TNFRSF8: variants seen among roughly 807,000 people sequenced by gnomAD.
TNFRSF8 encodes the protein TNF receptor superfamily member 8.
TNFRSF8 carries 26 observed loss-of-function variants against 70.8 expected under a neutral mutation model. The ratio of observed to expected loss-of-function variants is 0.37; its 90% CI spans 0.27 to 0.51. TNFRSF8 has a LOEUF of 0.51. Among genes scored for constraint, TNFRSF8 ranks in the 20% least tolerant of loss-of-function variants. The pLI is 0.94. For synonymous variants in TNFRSF8, 356 were observed against 339.2 expected (o/e 1.05, Z -0.54); for missense variants, 720 against 807.9 (o/e 0.89, Z 1.32).
chr1:12,074,236 C>T (rs1230140033), intron 1 of TNFRSF8, among the ~76,000 whole-genome samples: 1 of 151,998 alleles, frequency 6.6e-6, no homozygotes, highest in South Asian at 2.1e-4. Context: ...CCCTTTAATG[C>T]TTCCCTAGTG....
intron 12 of TNFRSF8, among the ~76,000 whole-genome samples, chr1:12,128,034 C>A (rs1641973240): frequency 6.6e-6 from 1 of 152,190 alleles, no homozygotes; most frequent in Admixed American, 6.5e-5. Context: ...GGCAAGCTCA[C>A]AGAGCACCGG....
chr1:12,109,739 A>T lies in TNFRSF8; in HGVS notation c.512+83A>T. 8.2e-7 allele frequency: 1 copy of T among 1,217,294 alleles called. No individual in the cohort carries two copies. Among genetic ancestry groups the T allele is most frequent in the Non-Finnish European group, 1.2e-6 (1 of 835,802 alleles). The allele number at this position is 1,217,294 out of a possible 1,614,324, so 75.4% of individuals were successfully genotyped here. A position where few individuals can be genotyped will look rare whatever the true frequency, so the allele number is the denominator to read the frequency against. On this transcript the variant is annotated intron_variant, in intron 5 of 14. Transcript: ENST00000263932. This position sits in a 1 kb window ranked among gnomAD's most constrained non-coding sequence, Gnocchi z 4.4. The stretch of plus-strand genomic sequence containing the variant: ...CCCCACCCCACAGGACGCCCATGGT[A>T]CAACTGGGCTGGGGGTGTAAGCGGG...
chr1:12,082,701 C>G (rs1222620377), intron 1 of TNFRSF8, among the ~76,000 whole-genome samples: 1 of 152,028 alleles, frequency 6.6e-6, no homozygotes, highest in Non-Finnish European at 1.5e-5. Flanking sequence ...TAAACAATCT[C>G]ATCTAGGAGT....
In TNFRSF8 at chr1:12,088,425, G is replaced by A. The variant is rs1293342110; in HGVS notation, c.151+3874G>A. ...AGGCCACATGCGTATCAGTGGCTCA[G>A]CCGGGCCGTGAACATGACCACCGAG... On this transcript the variant is annotated intron_variant, in intron 2 of 14. Coordinates refer to ENST00000263932, the MANE Select transcript of TNFRSF8 (RefSeq NM_001243.5). This position sits in a 1 kb window ranked among gnomAD's most constrained non-coding sequence, Gnocchi z 4.0. Among the ~76,000 whole-genome samples, 3 of 152,032 alleles carry A rather than the reference G, an allele frequency of 2.0e-5. No individual in the cohort carries two copies. The highest frequency in any genetic ancestry group is 1.5e-5 in the Non-Finnish European group (1 of 67,990).
At chr1:12,098,216 CA>C (rs1295750506) in intron 3 of TNFRSF8, among the ~76,000 whole-genome samples, 5 of 152,030 alleles carry the variant, frequency 3.3e-5, no homozygotes, top group African/African-American at 9.7e-5. Context: ...GAAGAAGTAG[CA>C]AAGGTTAAAA....
chr1:12,142,429 G>A lies in TNFRSF8; in HGVS notation c.1686G>A (p.Glu562=). ...CGGACCATACCCCCCACTACCCCGA[G>A]CAGGAGACAGAACCGCCTCTGGGCA... The part of the protein sequence containing the change: ...LEADHTPHYP[E]QETEPPLGSC... Residue 562 remains glutamate, a synonymous_variant, in exon 15 of 15, where the codon GAG becomes GAA. Coordinates refer to ENST00000263932, the MANE Select transcript of TNFRSF8 (RefSeq NM_001243.5). The surrounding 1 kb of genome is among the most constrained non-coding windows in gnomAD (Gnocchi z 5.0). 6.2e-7 allele frequency: 1 copy of A among 1,612,498 alleles called. No individual in the cohort carries two copies. Among genetic ancestry groups the A allele is most frequent in the Non-Finnish European group, 8.5e-7 (1 of 1,179,236 alleles).
intron 8 of TNFRSF8, among the ~76,000 whole-genome samples, chr1:12,118,305 T>G (rs1187166446): frequency 1.3e-5 from 2 of 152,070 alleles, no homozygotes; most frequent in African/African-American, 4.8e-5. Flanking sequence ...GAGACGGGGT[T>G]TCACCACATT....
At position 12,101,844 on chromosome 1, in the gene TNFRSF8, G is replaced by T. The variant is rs575647085; in HGVS notation, c.269-2535G>T. Among the ~76,000 whole-genome samples, 7 of 152,138 alleles carry T rather than the reference G, an allele frequency of 4.6e-5. No individual in the cohort carries two copies. In the South Asian group the frequency reaches 1.5e-3, roughly 32 times the overall value. On this transcript the variant is annotated intron_variant, in intron 3 of 14. Transcript: ENST00000263932. ...GCGCCACCATGCCTGGCTAATTTTT[G>T]TATTTTTTTTAGGAGAGGCGGGATT...
intron 13 of TNFRSF8, 40 bp downstream of exon 13, chr1:12,135,653 C>G (rs764525917): frequency 1.9e-6 from 3 of 1,612,024 alleles, no homozygotes; most frequent in Middle Eastern, 1.6e-4. Flanking sequence ...GCTTCGTGCC[C>G]CTAAATCTGA....
At chr1:12,066,866 T>C (rs1640750861) in intron 1 of TNFRSF8, among the ~76,000 whole-genome samples, 2 of 151,684 alleles carry the variant, frequency 1.3e-5, no homozygotes, top group Admixed American at 6.6e-5. Context: ...TTGGTCAGGC[T>C]GGTCTCGAGC....
intron 1 of TNFRSF8, among the ~76,000 whole-genome samples, chr1:12,072,942 G>A (rs749364564): frequency 6.6e-6 from 1 of 152,198 alleles, no homozygotes; most frequent in East Asian, 1.9e-4. Flanking sequence ...GGTCTGGGGG[G>A]CATGTGCCCT....
rs1641799808 is a variant in TNFRSF8 at position 12,119,995 on chromosome 1, C to T, written c.947-3289C>T. 6.6e-6 allele frequency among the ~76,000 whole-genome samples: 1 copy of T among 152,214 alleles called. No homozygotes were observed. Among genetic ancestry groups the T allele is most frequent in the Non-Finnish European group, 1.5e-5 (1 of 68,036 alleles). On this transcript the variant is annotated intron_variant, in intron 8 of 14. Coordinates refer to ENST00000263932, the MANE Select transcript of TNFRSF8 (RefSeq NM_001243.5). The surrounding 1 kb of genome is among the most constrained non-coding windows in gnomAD (Gnocchi z 4.4). ...GGATCCCAAGGGTCAGCCCAGAGTA[C>T]TTCCACTGGAAGACACCACCCACCC... is the stretch of plus-strand genomic sequence containing the variant.
chr1:12,091,694 G>C (rs2100978413), intron 2 of TNFRSF8, among the ~76,000 whole-genome samples: 1 of 152,332 alleles, frequency 6.6e-6, no homozygotes, highest in Admixed American at 6.5e-5. Flanking sequence ...GTGTTAGTTT[G>C]CTGGGGCTGC....
intron 2 of TNFRSF8, among the ~76,000 whole-genome samples, chr1:12,089,264 C>T (rs1475715000): frequency 6.6e-6 from 1 of 151,952 alleles, no homozygotes; most frequent in Non-Finnish European, 1.5e-5. Flanking sequence ...CTGCAGGATC[C>T]CCAGCCCTGA....
chr1:12,121,671 T>C (rs1046965667), intron 8 of TNFRSF8, among the ~76,000 whole-genome samples: 32 of 152,236 alleles, frequency 2.1e-4, no homozygotes, highest in African/African-American at 7.5e-4. Flanking sequence ...TGGCCAGCTA[T>C]GAACTGGCCT....
At chr1:12,127,679 T>G (rs1641966703) in intron 12 of TNFRSF8, among the ~76,000 whole-genome samples, 1 of 151,922 alleles carries the variant, frequency 6.6e-6, no homozygotes, top group Admixed American at 6.6e-5. Context: ...GCAAGGGGGG[T>G]TTTTGTGTTT....
intron 4 of TNFRSF8, among the ~76,000 whole-genome samples, chr1:12,105,285 T>C (rs919047547): frequency 1.3e-5 from 2 of 152,190 alleles, no homozygotes; most frequent in African/African-American, 4.8e-5. Flanking sequence ...ACCAGGTCCT[T>C]CTCTGGAGTC....
intron 1 of TNFRSF8, among the ~76,000 whole-genome samples, chr1:12,069,030 C>A (rs1316344597): frequency 6.6e-6 from 1 of 151,332 alleles, no homozygotes; most frequent in Non-Finnish European, 1.5e-5. Context: ...TGCCACCATG[C>A]CTGGCTAATT....
At chr1:12,066,628 C>T (rs761333619) in intron 1 of TNFRSF8, among the ~76,000 whole-genome samples, 3 of 151,928 alleles carry the variant, frequency 2.0e-5, no homozygotes, top group Admixed American at 6.6e-5. Flanking sequence ...GCTGGGATTA[C>T]AGGCGTGAGC....
Sources: allele counts gnomAD v4.1 joint callset (sites outside exome capture counted in the v4.1 genomes callset), GRCh38; gene constraint gnomAD v4.1.1; non-coding constraint Gnocchi (gnomAD v3.1); transcripts MANE v1.5; gene names NCBI Gene and HGNC (gene_info 2026-07-23, HGNC 2026-07-21).